Variants in CRADD observed in about 807,000 individuals in gnomAD.
CRADD encodes the protein CARD and death domain containing adaptor protein.
A neutral mutation model predicts 15.5 loss-of-function variants in CRADD; 9 were observed. The ratio of observed to expected loss-of-function variants is 0.58; its 90% confidence interval spans 0.35 to 1.01. CRADD has a LOEUF of 1.01. Among genes scored for constraint, CRADD ranks in the 50% least tolerant of loss-of-function variants. The probability of loss-of-function intolerance (pLI) is 0.02; values close to 1 mark genes in which losing one functional copy is unlikely to be tolerated. For missense variants in CRADD, 227 were observed against 250.3 expected (o/e 0.91, Z 0.63); for synonymous variants, 118 against 107.6 (o/e 1.10, Z -0.60).
intron 2 of CRADD, among the ~76,000 whole-genome samples, chr12:93,781,937 A>G (rs201168233): frequency 6.6e-6 from 1 of 152,224 alleles, no homozygotes; most frequent in Admixed American, 6.5e-5. Flanking sequence ...CAGTGTGGCG[A>G]TTCCTCAGGG....
intron 2 of CRADD, among the ~76,000 whole-genome samples, chr12:93,790,320 G>A (rs1027097369): frequency 2.0e-5 from 3 of 151,996 alleles, no homozygotes; most frequent in Non-Finnish European, 4.4e-5. Context: ...TATAGGTGGG[G>A]GGAGGGGGAA....
At chr12:93,736,580 G>T (rs1279020026) in intron 2 of CRADD, among the ~76,000 whole-genome samples, 1 of 152,214 alleles carries the variant, frequency 6.6e-6, no homozygotes, top group African/African-American at 2.4e-5. Flanking sequence ...TATGATAAAT[G>T]TTGGTAAATC....
rs368692723 is a variant in CRADD, at chr12:93,863,027, G to A, written c.299-31023G>A. Among the ~76,000 whole-genome samples the A allele has an allele frequency of 8.3e-4, 126 of 152,324 alleles. 2 individuals are homozygous for A. In the South Asian group the frequency reaches 0.025, roughly 30 times the overall value. The stretch of plus-strand genomic sequence containing the variant: ...TTATGGGGCACATGGAAAGAGACCC[G>A]TGGTTTTCTGGAACCTTCTTTTCCT... On this transcript the variant is annotated intron_variant, in intron 2 of 2. Transcript: ENST00000548483.
chr12:93,801,968 C>G (rs564357246), intron 2 of CRADD, among the ~76,000 whole-genome samples: 2 of 152,314 alleles, frequency 1.3e-5, no homozygotes, highest in African/African-American at 4.8e-5. Flanking sequence ...TCTTGAGTTA[C>G]TTCACTTAGA....
intron 2 of CRADD, among the ~76,000 whole-genome samples, chr12:93,811,248 T>A (rs1957623387): frequency 6.6e-6 from 1 of 152,246 alleles, no homozygotes; most frequent in African/African-American, 2.4e-5. Flanking sequence ...CTACTTCTAG[T>A]GCCTGCTCTG....
chr12:93,789,611 G>T (rs574952807), intron 2 of CRADD, among the ~76,000 whole-genome samples: 35 of 152,044 alleles, frequency 2.3e-4, no homozygotes, highest in Non-Finnish European at 4.6e-4. Context: ...TGGAAGGGAG[G>T]GATGACAAAG....
At chr12:93,744,055 G>A (rs773427482) in intron 2 of CRADD, among the ~76,000 whole-genome samples, 1 of 151,734 alleles carries the variant, frequency 6.6e-6, no homozygotes, top group African/African-American at 2.4e-5. Flanking sequence ...TTTCTATTAC[G>A]GGCATAACAG....
intron 2 of CRADD, among the ~76,000 whole-genome samples, chr12:93,788,598 G>A (rs886778721): frequency 6.6e-6 from 1 of 152,120 alleles, no homozygotes; most frequent in African/African-American, 2.4e-5. Flanking sequence ...TCTTGATTCA[G>A]GAATGTTCTT....
chr12:93,871,174 T>G (rs1481484482), intron 2 of CRADD, among the ~76,000 whole-genome samples: 2 of 152,234 alleles, frequency 1.3e-5, no homozygotes, highest in Non-Finnish European at 2.9e-5. Flanking sequence ...ACTTAATATT[T>G]ATTTATTTAC....
At chr12:93,778,430 T>C (rs1270985967) in intron 2 of CRADD, among the ~76,000 whole-genome samples, 1 of 152,240 alleles carries the variant, frequency 6.6e-6, no homozygotes, top group African/African-American at 2.4e-5. Flanking sequence ...ATTGCTATTC[T>C]TAGCCTAAGG....
intron 2 of CRADD, among the ~76,000 whole-genome samples, chr12:93,877,475 A>T (rs1958465397): frequency 6.6e-6 from 1 of 152,238 alleles, no homozygotes; most frequent in Admixed American, 6.5e-5. Context: ...GTCAGGGAAT[A>T]CAGTCAAAAA....
At chr12:93,894,270 G>A in exon 3 of CRADD, 1 of 545,602 alleles carries the variant, frequency 1.8e-6, no homozygotes, top group East Asian at 3.4e-5. Flanking sequence ...ATGTGTGTGG[G>A]TGGGCGGGGG....
At chr12:93,718,631 C>G (rs1225472415) in intron 2 of CRADD, among the ~76,000 whole-genome samples, 1 of 152,120 alleles carries the variant, frequency 6.6e-6, no homozygotes, top group Admixed American at 6.5e-5. Flanking sequence ...CCTTCTTAAT[C>G]TACATACCTT....
intron 2 of CRADD, among the ~76,000 whole-genome samples, chr12:93,692,141 A>G (rs528003181): frequency 6.6e-6 from 1 of 152,274 alleles, no homozygotes; most frequent in African/African-American, 2.4e-5. Context: ...AGCAGAAGAA[A>G]GAATCTGTAA....
intron 2 of CRADD, among the ~76,000 whole-genome samples, chr12:93,732,139 GAA>G (rs560657069): frequency 6.6e-5 from 7 of 105,704 alleles, no homozygotes; most frequent in Admixed American, 9.9e-5. Context: ...TCCGTCTCAA[GAA>G]AAAAAAAAAA....
intron 2 of CRADD, among the ~76,000 whole-genome samples, chr12:93,878,913 C>G (rs1395772603): frequency 6.6e-6 from 1 of 152,036 alleles, no homozygotes; most frequent in Non-Finnish European, 1.5e-5. Flanking sequence ...TTTTTTTCTG[C>G]GTAGATCGTT....
intron 2 of CRADD, among the ~76,000 whole-genome samples, chr12:93,812,692 A>G (rs1432427997): frequency 6.6e-6 from 1 of 152,224 alleles, no homozygotes; most frequent in Non-Finnish European, 1.5e-5. Flanking sequence ...TTTCAAAGAA[A>G]TGTAGTTATT....
chr12:93,755,968 CT>C (rs1474297688), intron 2 of CRADD, among the ~76,000 whole-genome samples: 1 of 152,138 alleles, frequency 6.6e-6, no homozygotes, highest in Non-Finnish European at 1.5e-5. Context: ...CTAAATCCAT[CT>C]TTAGAACAAT....
intron 2 of CRADD, among the ~76,000 whole-genome samples, chr12:93,820,799 C>A (rs936936726): frequency 2.6e-5 from 4 of 152,198 alleles, no homozygotes; most frequent in Admixed American, 1.3e-4. Flanking sequence ...CACCCCCATG[C>A]CCAGTCCCTC....
Sources: gnomAD v4.1 joint callset for allele counts (sites outside exome capture counted in the v4.1 genomes callset) on GRCh38, gnomAD v4.1.1 for gene constraint, MANE v1.5 for transcripts, NCBI Gene and HGNC (gene_info 2026-07-23, HGNC 2026-07-21) for gene names.